Variants in PCDH11X observed in about 807,000 individuals in gnomAD.
PCDH11X encodes the protein protocadherin-11 X-linked.
A neutral mutation model predicts 53.3 loss-of-function variants in PCDH11X; 18 were observed. The observed-to-expected ratio is 0.34, with a 90% CI of 0.23 to 0.50. The LOEUF (loss-of-function observed/expected upper bound fraction) is 0.50, where lower values mean the gene tolerates loss of function less well. Among genes scored for constraint, PCDH11X ranks in the 20% least tolerant of loss-of-function variants. The probability of loss-of-function intolerance (pLI) is 0.98; values close to 1 mark genes in which losing one functional copy is unlikely to be tolerated. For missense variants in PCDH11X, 570 were observed against 1,032.4 expected, an observed-to-expected ratio of 0.55 and a Z score of 6.14; for synonymous variants, 279 against 393.3, an observed-to-expected ratio of 0.71 and a Z score of 3.44.
At chrX:92,523,267 C>T (rs1204823322) in intron 10 of PCDH11X, among the ~76,000 whole-genome samples, 3 of 111,035 alleles carry the variant, frequency 2.7e-5, no homozygotes, top group Non-Finnish European at 5.7e-5. Flanking sequence ...AGTACTCAGC[C>T]CACTGGCTTC....
chrX:91,878,676 G>A lies in PCDH11X; in HGVS notation c.2436G>A (p.Lys812=), dbSNP rs1344828172. The A allele has an allele frequency of 2.5e-6, 3 of 1,210,450 alleles. No homozygotes were observed. In the Admixed American group the frequency reaches 6.5e-5, roughly 26 times the overall value. ...CCTCACCAACTAGTGACTATGTCAA[G>A]ATCCTGGTTGCAGCTGTTGCTGGCA... ...DVSSPTSDYV[K]ILVAAVAGTI... The change falls in exon 6 of 11, where the codon AAG becomes AAA. Residue 812 remains lysine, a synonymous_variant. Coordinates refer to ENST00000682573, the MANE Select transcript of PCDH11X (RefSeq NM_032968.5).
At chrX:92,455,690 A>G (rs1448947986) in intron 9 of PCDH11X, among the ~76,000 whole-genome samples, 1 of 55,217 alleles carries the variant, frequency 1.8e-5, no homozygotes, top group African/African-American at 6.9e-5. Context: ...TCACATGACA[A>G]ATTCTTATTT....
At chrX:92,251,959 C>CA (rs1305417085) in intron 7 of PCDH11X, among the ~76,000 whole-genome samples, 2 of 110,442 alleles carry the variant, frequency 1.8e-5, no homozygotes, top group Non-Finnish European at 3.8e-5. Context: ...CAAATTTAGC[C>CA]AAAAAATAAT....
chrX:91,949,759 A>G (rs2147869724), intron 6 of PCDH11X, among the ~76,000 whole-genome samples: 1 of 110,623 alleles, frequency 9.0e-6, no homozygotes, highest in Non-Finnish European at 1.9e-5. Flanking sequence ...ATATTTGAGA[A>G]TAGATTTATA....
intron 8 of PCDH11X, among the ~76,000 whole-genome samples, chrX:92,280,521 CAAATAAAT>C (rs200000470): frequency 0.038 from 3,933 of 104,245 alleles, 149 homozygotes; most frequent in East Asian, 0.24. Context: ...GGCTCCATCT[CAAATAAAT>C]AAATAAATAA....
chrX:92,218,189 C>T (rs1285160434), intron 7 of PCDH11X, among the ~76,000 whole-genome samples: 1 of 110,447 alleles, frequency 9.1e-6, no homozygotes, highest in Non-Finnish European at 1.9e-5. Flanking sequence ...CAAGAAATAA[C>T]TAAAATCAGA....
At chrX:92,417,358 T>G (rs2071836984) in intron 9 of PCDH11X, among the ~76,000 whole-genome samples, 1 of 110,792 alleles carries the variant, frequency 9.0e-6, no homozygotes, top group Non-Finnish European at 1.9e-5. Flanking sequence ...TATTTTTTTT[T>G]GATTTCTGTT....
intron 6 of PCDH11X, among the ~76,000 whole-genome samples, chrX:92,054,440 T>C (rs979922280): frequency 2.7e-5 from 3 of 111,764 alleles, no homozygotes; most frequent in Non-Finnish European, 5.6e-5. Context: ...GCCTGATAAA[T>C]AAGAAATTTT....
intron 8 of PCDH11X, among the ~76,000 whole-genome samples, chrX:92,274,381 G>A (rs2068031589): frequency 9.1e-6 from 1 of 110,215 alleles, no homozygotes; most frequent in African/African-American, 3.4e-5. Context: ...TGGCTGATTT[G>A]ACTAATAAAG....
chrX:91,861,599 C>G (rs1189339280), intron 5 of PCDH11X, among the ~76,000 whole-genome samples: 1 of 110,749 alleles, frequency 9.0e-6, no homozygotes, highest in South Asian at 3.9e-4. Flanking sequence ...CACCTCCCCC[C>G]AGGAACTTGG....
intron 8 of PCDH11X, among the ~76,000 whole-genome samples, chrX:92,273,841 A>G (rs1407196014): frequency 9.0e-6 from 1 of 111,055 alleles, no homozygotes; most frequent in Non-Finnish European, 1.9e-5. Flanking sequence ...AATTGGGAGG[A>G]CCTAGGACAT....
intron 9 of PCDH11X, among the ~76,000 whole-genome samples, chrX:92,458,044 A>G (rs1262928957): frequency 2.7e-5 from 3 of 109,437 alleles, no homozygotes; most frequent in Non-Finnish European, 5.7e-5. Flanking sequence ...CGTATAATAT[A>G]TGATCAATAT....
chrX:92,234,919 G>T (rs2067143484), intron 7 of PCDH11X, among the ~76,000 whole-genome samples: 1 of 110,447 alleles, frequency 9.1e-6, no homozygotes, highest in Non-Finnish European at 1.9e-5. Flanking sequence ...TTTTTTAATT[G>T]TAAAGGAAAA....
chrX:91,780,405 T>A (rs111667982), intron 1 of PCDH11X, among the ~76,000 whole-genome samples: 2,618 of 112,301 alleles, frequency 0.023, 80 homozygotes, highest in African/African-American at 0.081. Flanking sequence ...GCCTATTTTT[T>A]AAAAATCAAC....
intron 10 of PCDH11X, among the ~76,000 whole-genome samples, chrX:92,577,965 C>T (rs183069582): frequency 9.2e-6 from 1 of 108,350 alleles, no homozygotes; most frequent in African/African-American, 3.4e-5. Context: ...ATTATGTGAT[C>T]AGTTTTATAG....
At chrX:92,500,940 A>AT (rs1220238337) in intron 10 of PCDH11X, among the ~76,000 whole-genome samples, 2 of 110,726 alleles carry the variant, frequency 1.8e-5, no homozygotes, top group Non-Finnish European at 3.8e-5. Context: ...TCCAGGAGCT[A>AT]TTTTTTTGAA....
intron 6 of PCDH11X, among the ~76,000 whole-genome samples, chrX:92,149,987 TATTC>T (rs1450032348): frequency 8.9e-6 from 1 of 112,206 alleles, no homozygotes; most frequent in Non-Finnish European, 1.9e-5. Context: ...ACAGTTCATT[TATTC>T]ATTCATCCAT....
chrX:92,612,547 A>AT (rs1927505335), intron 10 of PCDH11X, among the ~76,000 whole-genome samples: 1 of 109,341 alleles, frequency 9.1e-6, no homozygotes, highest in Non-Finnish European at 1.9e-5. Context: ...TATGATTTCA[A>AT]TTTTTTTAAT....
intron 10 of PCDH11X, among the ~76,000 whole-genome samples, chrX:92,594,896 A>G (rs1287770862): frequency 1.9e-5 from 2 of 103,342 alleles, no homozygotes; most frequent in African/African-American, 7.2e-5. Context: ...TTCTTTTGAG[A>G]TATCTACAGC....
Sources: allele counts gnomAD v4.1 joint callset (sites outside exome capture counted in the v4.1 genomes callset), GRCh38; gene constraint gnomAD v4.1.1; transcripts MANE v1.5; gene names NCBI Gene and HGNC (gene_info 2026-07-23, HGNC 2026-07-21).